Variants in ZFPM2 observed in about 807,000 individuals in gnomAD.
The protein encoded by ZFPM2 is zinc finger protein, FOG family member 2.
Under a neutral mutation model 98.6 loss-of-function variants are expected in ZFPM2, and 20 were observed. The observed-to-expected ratio is 0.20, with a 90% confidence interval of 0.14 to 0.29. ZFPM2 has a LOEUF of 0.29. Ranked by LOEUF, ZFPM2 falls within the 10% of genes least tolerant of loss-of-function variation. ZFPM2 has a pLI of 1.00. For missense variants in ZFPM2, 1,310 were observed against 1,388.6 expected, an observed-to-expected ratio of 0.94 and a Z score of 0.90; for synonymous variants, 518 against 502.7, an observed-to-expected ratio of 1.03 and a Z score of -0.41.
chr8:105,419,576 A>G (rs1252983571), intron 2 of ZFPM2, among the ~76,000 whole-genome samples: 1 of 152,174 alleles, frequency 6.6e-6, no homozygotes, highest in Admixed American at 6.5e-5. Flanking sequence ...ACTGTGATAT[A>G]TTTAATGTTG....
At chr8:105,385,505 G>A (rs972354672) in intron 1 of ZFPM2, among the ~76,000 whole-genome samples, 29 of 152,200 alleles carry the variant, frequency 1.9e-4, no homozygotes, top group African/African-American at 7.0e-4. Context: ...TGTGTTGTGT[G>A]TGCTCACTGT....
chr8:105,716,518 A>G (rs1333546417), intron 5 of ZFPM2, among the ~76,000 whole-genome samples: 1 of 151,990 alleles, frequency 6.6e-6, no homozygotes, highest in Non-Finnish European at 1.5e-5. Context: ...ATAATCCTCA[A>G]TCAGGTATAT....
chr8:105,538,671 T>G (rs1462681133), intron 3 of ZFPM2, among the ~76,000 whole-genome samples: 3 of 152,194 alleles, frequency 2.0e-5, no homozygotes, highest in South Asian at 2.1e-4. Context: ...CATTGTTATT[T>G]TCTTGATCTG....
chr8:105,559,994 G>A (rs1377864754), intron 3 of ZFPM2, among the ~76,000 whole-genome samples: 1 of 151,970 alleles, frequency 6.6e-6, no homozygotes. Context: ...GATCACCTGA[G>A]GTCAAGAGTT....
At chr8:105,552,843 A>T (rs1395810863) in intron 3 of ZFPM2, among the ~76,000 whole-genome samples, 1 of 133,996 alleles carries the variant, frequency 7.5e-6, no homozygotes, top group Non-Finnish European at 1.6e-5. Flanking sequence ...TAAAGACAGG[A>T]TCTGGCTCTG....
chr8:105,385,716 C>A (rs1011862893), intron 1 of ZFPM2, among the ~76,000 whole-genome samples: 1 of 152,182 alleles, frequency 6.6e-6, no homozygotes, highest in South Asian at 2.1e-4. Context: ...AGGACCCCAG[C>A]GATTACTTTA....
Position 105,495,467 on chromosome 8 carries a change from G to A in ZFPM2, c.301+51086G>A, listed in dbSNP as rs570524599. On this transcript the variant is annotated intron_variant, in intron 3 of 7. Coordinates refer to ENST00000407775, the MANE Select transcript of ZFPM2 (RefSeq NM_012082.4). ...GGAATGTATAGATTGCCATTTTTTT[G>A]TGAATCTTCCACCAATTTATTTGAC... Among the ~76,000 whole-genome samples, 8 of 152,212 alleles carry A rather than the reference G, an allele frequency of 5.3e-5. No homozygotes were observed. In the South Asian group the frequency reaches 1.7e-3, roughly 32 times the overall value.
chr8:105,786,769 C>T (rs769286331), intron 5 of ZFPM2, among the ~76,000 whole-genome samples: 6 of 152,124 alleles, frequency 3.9e-5, no homozygotes, highest in Non-Finnish European at 8.8e-5. Context: ...ACTCTTGAGT[C>T]GTCCTATCTT....
intron 4 of ZFPM2, among the ~76,000 whole-genome samples, chr8:105,579,405 T>A (rs1815538444): frequency 6.6e-6 from 1 of 152,092 alleles, no homozygotes; most frequent in Non-Finnish European, 1.5e-5. Flanking sequence ...CTCCCTCCCT[T>A]TTTAGAGACA....
intron 2 of ZFPM2, among the ~76,000 whole-genome samples, chr8:105,426,639 A>G (rs1811917338): frequency 6.6e-6 from 1 of 152,152 alleles, no homozygotes; most frequent in Non-Finnish European, 1.5e-5. Context: ...ACTTTTTAGA[A>G]TGTAAAATTA....
chr8:105,714,333 T>C (rs1376850492), intron 5 of ZFPM2, among the ~76,000 whole-genome samples: 1 of 152,038 alleles, frequency 6.6e-6, no homozygotes, highest in African/African-American at 2.4e-5. Context: ...GAAACTTTAC[T>C]GAAGTCTTTT....
intron 5 of ZFPM2, among the ~76,000 whole-genome samples, chr8:105,696,381 G>T (rs1811020133): frequency 6.6e-6 from 1 of 152,048 alleles, no homozygotes; most frequent in South Asian, 2.1e-4. Context: ...GCGTAATAAA[G>T]TGTGACTCTC....
intron 5 of ZFPM2, among the ~76,000 whole-genome samples, chr8:105,756,680 T>C (rs1013686515): frequency 6.6e-6 from 1 of 152,182 alleles, no homozygotes; most frequent in Non-Finnish European, 1.5e-5. Context: ...TCTTGCACAA[T>C]GTAAGACGGG....
At chr8:105,381,152 C>T (rs1412131263) in intron 1 of ZFPM2, among the ~76,000 whole-genome samples, 3 of 148,950 alleles carry the variant, frequency 2.0e-5, no homozygotes, top group African/African-American at 7.4e-5. Context: ...GTTCAACTCC[C>T]ACTTATGAGT....
intron 3 of ZFPM2, among the ~76,000 whole-genome samples, chr8:105,450,730 G>A (rs1434530366): frequency 6.6e-6 from 1 of 152,022 alleles, no homozygotes; most frequent in South Asian, 2.1e-4. Context: ...TCACGTGTGT[G>A]TATTGGGGGG....
rs559451488 is a variant in ZFPM2 at position 105,345,191 on chromosome 8, G to A, written c.40+26210G>A. 2.6e-5 allele frequency among the ~76,000 whole-genome samples: 4 copies of A among 152,182 alleles called. No individual in the cohort carries two copies. The East Asian group carries it at 7.7e-4, about 29-fold the overall frequency. ...GGTATCAAATCCGGTGAAGCCAGCT[G>A]ACAAATTTTGAGGATCTTAACAGAA... On this transcript the variant is annotated intron_variant, in intron 1 of 7. Transcript: ENST00000407775.
intron 1 of ZFPM2, among the ~76,000 whole-genome samples, chr8:105,368,715 T>G (rs1396717111): frequency 1.3e-5 from 2 of 152,160 alleles, no homozygotes; most frequent in African/African-American, 2.4e-5. Context: ...GAATGTACTG[T>G]TTCCCTTTTC....
intron 1 of ZFPM2, among the ~76,000 whole-genome samples, chr8:105,407,665 G>A (rs1811489478): frequency 6.6e-6 from 1 of 151,938 alleles, no homozygotes; most frequent in African/African-American, 2.4e-5. Flanking sequence ...TCAAGTAAGA[G>A]AGGGCTATTG....
Position 105,621,705 on chromosome 8 carries a change from A to G in ZFPM2, c.421-12541A>G, listed in dbSNP as rs573924222. ...CCATTTAGATATTTTTATTATTAAT[A>G]TGTTGTGAACATCTTGAAGAAATGT... On this transcript the variant is annotated intron_variant, in intron 4 of 7. Transcript: ENST00000407775. 3.3e-5 allele frequency among the ~76,000 whole-genome samples: 5 copies of G among 152,298 alleles called. No individual in the cohort carries two copies. In the East Asian group the frequency reaches 7.7e-4, roughly 24 times the overall value.
Sources: allele counts gnomAD v4.1 joint callset (sites outside exome capture counted in the v4.1 genomes callset), GRCh38; gene constraint gnomAD v4.1.1; transcripts MANE v1.5; gene names NCBI Gene and HGNC (gene_info 2026-07-23, HGNC 2026-07-21).